PRKCQ: variants seen among roughly 807,000 people sequenced by gnomAD.
The protein encoded by PRKCQ is protein kinase C theta.
PRKCQ carries 41 observed loss-of-function variants against 91.2 expected under a neutral mutation model. That is an observed-to-expected ratio of 0.45 (90% CI 0.35 to 0.58). The LOEUF is 0.58. PRKCQ is among the 20% of genes least tolerant of loss of function. The pLI is 0.00. For missense variants in PRKCQ, 673 were observed against 896.5 expected (o/e 0.75, Z 3.18); for synonymous variants, 307 against 316.9 (o/e 0.97, Z 0.33).
chr10:6,514,602 G>A (rs1412361066), intron 2 of PRKCQ, among the ~76,000 whole-genome samples: 1 of 152,202 alleles, frequency 6.6e-6, no homozygotes, highest in East Asian at 1.9e-4. Context: ...CGCCAAAGCA[G>A]CAGTAAGCAG....
chr10:6,468,587 A>T (rs1835804890), intron 12 of PRKCQ, among the ~76,000 whole-genome samples: 1 of 152,260 alleles, frequency 6.6e-6, no homozygotes, highest in South Asian at 2.1e-4. Context: ...CTCCCTCTCC[A>T]GAAAAACAAG....
At chr10:6,549,739 T>G (rs1365665089) in intron 1 of PRKCQ, among the ~76,000 whole-genome samples, 5 of 150,402 alleles carry the variant, frequency 3.3e-5, no homozygotes. Context: ...CAAGAAATTC[T>G]CCCGCCTCAG....
intron 11 of PRKCQ, among the ~76,000 whole-genome samples, chr10:6,482,035 C>A (rs56051527): frequency 2.7e-5 from 4 of 149,976 alleles, no homozygotes; most frequent in Non-Finnish European, 4.4e-5. Context: ...TCTTTCCTTC[C>A]TCTCCTTGTC....
At chr10:6,403,203 G>A in the PRKCQ span, among the ~76,000 whole-genome samples, 6 of 152,208 alleles carry the variant, frequency 3.9e-5, no homozygotes, top group Admixed American at 1.3e-4. Flanking sequence ...CCTAGTTTCC[G>A]GCAATGTGCA....
intron 1 of PRKCQ, among the ~76,000 whole-genome samples, chr10:6,518,758 C>T (rs1282266800): frequency 6.6e-6 from 1 of 151,904 alleles, no homozygotes; most frequent in African/African-American, 2.4e-5. Flanking sequence ...GCAGAGGTTG[C>T]AGAGAGCCAA....
At position 6,442,014 on chromosome 10, in the gene PRKCQ, AT is replaced by A. The variant is rs752129495; in HGVS notation, c.1714del (p.Met572CysfsTer2). 6.2e-7 allele frequency: 1 copy of A among 1,614,142 alleles called. No individual in the cohort carries two copies. Among genetic ancestry groups the A allele is most frequent in the Non-Finnish European group, 8.5e-7 (1 of 1,180,028 alleles). The part of the protein sequence containing the change: ...WWSFGVLLYE[M>X]LIGQSPFHGQ... ...GTGGAAAGGCGACTGACCAATCAGC[AT>A]TTCATAAAGGAGAACCCCGAAGGAC... On this transcript the variant is annotated frameshift_variant, in exon 16 of 18. Transcript: ENST00000263125. LOFTEE classifies it high-confidence loss of function.
At position 6,427,625 on chromosome 10, in the gene PRKCQ, G is replaced by A. The variant is rs1389552376; in HGVS notation, c.*582C>T. 1.3e-5 allele frequency: 2 copies of A among 152,602 alleles called. No homozygotes were observed. Among genetic ancestry groups the A allele is most frequent in the Non-Finnish European group, 2.9e-5 (2 of 68,350 alleles). 9.5% of individuals were successfully genotyped at this position (152,602 alleles called of 1,614,324 possible). ...GATTTCATGCCCAATCAGGATGAAT[G>A]GATTTGTAGATCTCAAGTTACAAGC... is the stretch of plus-strand genomic sequence containing the variant. On this transcript the variant is annotated 3_prime_UTR_variant, in exon 18 of 18. Coordinates refer to ENST00000263125, the MANE Select transcript of PRKCQ (RefSeq NM_006257.5).
At chr10:6,481,158 G>C (rs1355640143) in intron 11 of PRKCQ, among the ~76,000 whole-genome samples, 1 of 152,170 alleles carries the variant, frequency 6.6e-6, no homozygotes, top group Non-Finnish European at 1.5e-5. Context: ...CTTTGGACAT[G>C]GAGTGGGGGA....
At chr10:6,434,724 C>G (rs1833612843) in intron 16 of PRKCQ, among the ~76,000 whole-genome samples, 1 of 152,212 alleles carries the variant, frequency 6.6e-6, no homozygotes, top group African/African-American at 2.4e-5. Context: ...GAAAGCAGCT[C>G]CAGGCTGCAG....
chr10:6,455,682 C>T (rs1834964892), intron 15 of PRKCQ, among the ~76,000 whole-genome samples: 1 of 152,184 alleles, frequency 6.6e-6, no homozygotes, highest in East Asian at 1.9e-4. Context: ...AACAAGATCA[C>T]ACAAATCTAC....
At chr10:6,477,126 T>G (rs1309486840) in intron 12 of PRKCQ, among the ~76,000 whole-genome samples, 1 of 152,222 alleles carries the variant, frequency 6.6e-6, no homozygotes, top group African/African-American at 2.4e-5. Flanking sequence ...CAGCCACACC[T>G]TTCATGCCCA....
intron 8 of PRKCQ, among the ~76,000 whole-genome samples, chr10:6,486,772 G>T (rs759594458): frequency 6.6e-6 from 1 of 152,224 alleles, no homozygotes; most frequent in Non-Finnish European, 1.5e-5. Context: ...CTCCAGTCTG[G>T]GTCCAAAACA....
chr10:6,394,794 A>C, the PRKCQ span, among the ~76,000 whole-genome samples: 1 of 142,612 alleles, frequency 7.0e-6, no homozygotes, highest in South Asian at 2.1e-4. Context: ...TCTCAAAAAC[A>C]AATAGTGATT....
intron 1 of PRKCQ, among the ~76,000 whole-genome samples, chr10:6,552,421 T>C (rs570821592): frequency 8.0e-4 from 121 of 152,128 alleles, no homozygotes; most frequent in Non-Finnish European, 1.2e-3. Flanking sequence ...CATTCATTCA[T>C]TCTCACTGTC....
At position 6,486,137 on chromosome 10, in the gene PRKCQ, G is replaced by C. The variant is rs140255946; in HGVS notation, c.798C>G (p.Gly266=). The part of the protein sequence containing the change: ...ARQGLKCDAC[G]MNVHHRCQTK... ...TCTGGCATCTATGATGCACATTCATGCCACATGCTGGAAGGAAGAAGGCAG... is the reference window on the plus strand; with the variant it reads ...TCTGGCATCTATGATGCACATTCATCCCACATGCTGGAAGGAAGAAGGCAG... Residue 266 remains glycine, a synonymous_variant, in exon 9 of 18, where the codon GGC becomes GGG. Transcript: ENST00000263125. 6.7e-5 allele frequency: 108 copies of C among 1,613,716 alleles called. No individual in the cohort carries two copies. The highest frequency in any genetic ancestry group is 8.6e-5 in the Non-Finnish European group (101 of 1,179,782).
rs1269685233 is a variant in PRKCQ at position 6,511,012 on chromosome 10, C to A, written c.301G>T (p.Gly101Trp). The A allele has an allele frequency of 6.2e-7, 1 of 1,614,034 alleles. No individual in the cohort carries two copies. ...SLAERCRKNN[G>W]KTEIWLELKP... is the part of the protein sequence containing the mutation. ...AACGTTACCCATATTTCTGTCTTCC[C>A]GTTGTTCTTCCTGCACCTCTCAGCC... The change falls in exon 3 of 18, where the codon GGG becomes TGG. Residue 101 changes from glycine (G) to tryptophan (W), a missense_variant. Transcript: ENST00000263125.
intron 7 of PRKCQ, among the ~76,000 whole-genome samples, chr10:6,494,660 A>G (rs1219497498): frequency 6.6e-6 from 1 of 152,142 alleles, no homozygotes; most frequent in Non-Finnish European, 1.5e-5. Context: ...CTCTGAGCCC[A>G]GTTTCTCAAT....
intron 12 of PRKCQ, among the ~76,000 whole-genome samples, chr10:6,470,703 C>A: frequency 6.6e-6 from 1 of 152,084 alleles, no homozygotes; most frequent in East Asian, 1.9e-4. Flanking sequence ...ATAATCCCAG[C>A]ATTTTGGGAG....
chr10:6,499,909 C>CACA (rs1170753827), intron 4 of PRKCQ, among the ~76,000 whole-genome samples: 1 of 152,210 alleles, frequency 6.6e-6, no homozygotes, highest in Non-Finnish European at 1.5e-5. Context: ...GGAATCCAGC[C>CACA]ACATCCCAGG....
Sources: allele counts gnomAD v4.1 joint callset (sites outside exome capture counted in the v4.1 genomes callset), GRCh38; gene constraint gnomAD v4.1.1; transcripts MANE v1.5; gene names NCBI Gene and HGNC (gene_info 2026-07-23, HGNC 2026-07-21).